PHLDB2: variants seen among roughly 807,000 people sequenced by gnomAD.
The protein encoded by PHLDB2 is pleckstrin homology like domain family B member 2.
PHLDB2 carries 71 observed loss-of-function variants against 123.6 expected under a neutral mutation model. That is an observed-to-expected ratio of 0.57 (90% CI 0.47 to 0.70). PHLDB2 has a LOEUF of 0.70. Ranked by LOEUF, PHLDB2 falls within the 30% of genes least tolerant of loss-of-function variation. The probability of loss-of-function intolerance (pLI) is 0.00; values close to 1 mark genes in which losing one functional copy is unlikely to be tolerated. For missense variants in PHLDB2, 1,446 were observed against 1,519.5 expected, an observed-to-expected ratio of 0.95 and a Z score of 0.80; for synonymous variants, 547 against 541.6, an observed-to-expected ratio of 1.01 and a Z score of -0.14.
At chr3:111,784,153 G>T (rs531176409) in intron 1 of PHLDB2, among the ~76,000 whole-genome samples, 11 of 152,194 alleles carry the variant, frequency 7.2e-5, no homozygotes, top group Non-Finnish European at 1.2e-4. Flanking sequence ...ATTCTAACAG[G>T]CAATAAATAT....
chr3:111,738,488 T>C (rs896334864), intron 1 of PHLDB2, among the ~76,000 whole-genome samples: 28 of 152,200 alleles, frequency 1.8e-4, no homozygotes, highest in African/African-American at 6.0e-4. Context: ...TCATCTACTC[T>C]TTCCCAGAAG....
chr3:111,890,297 G>A (rs1288454800), intron 2 of PHLDB2, among the ~76,000 whole-genome samples: 1 of 152,148 alleles, frequency 6.6e-6, no homozygotes, highest in Non-Finnish European at 1.5e-5. Context: ...GACAGACTCA[G>A]TAAAACAAAA....
At position 111,970,013 on chromosome 3, in the gene PHLDB2, CAG is replaced by C. The variant is rs2072060516; in HGVS notation, c.3535+106_3535+107del. 7 of 990,576 alleles carry C rather than the reference CAG, an allele frequency of 7.1e-6. No homozygotes were observed. The South Asian group carries it at 1.0e-4, about 15-fold the overall frequency. 61.4% of individuals were successfully genotyped at this position (990,576 alleles called of 1,614,324 possible). ...TGTAAATAGGTAGGTTGATACATAACAGAATTAATGGCAATATTAGATTTGTA... is the reference window on the plus strand; with the variant it reads ...TGTAAATAGGTAGGTTGATACATAACAATTAATGGCAATATTAGATTTGTA... On this transcript the variant is annotated intron_variant, in intron 16 of 17. Transcript: ENST00000431670.
chr3:111,915,085 C>T (rs1364275984), intron 3 of PHLDB2: 1 of 152,040 alleles, frequency 6.6e-6, no homozygotes, highest in Non-Finnish European at 1.5e-5. Flanking sequence ...ATGATATTCA[C>T]AAGGTAGATT....
intron 5 of PHLDB2, among the ~76,000 whole-genome samples, chr3:111,923,641 C>T (rs1300088799): frequency 6.6e-6 from 1 of 152,050 alleles, no homozygotes; most frequent in Non-Finnish European, 1.5e-5. Flanking sequence ...TGCCTTCCAC[C>T]CTCCACCCTC....
chr3:111,932,516 T>C (rs2069201539), intron 6 of PHLDB2, 119 bp downstream of exon 6: 4 of 1,026,502 alleles, frequency 3.9e-6, no homozygotes, highest in Non-Finnish European at 5.5e-6. Context: ...GTTCTAGTCA[T>C]TAGATACGTT....
intron 2 of PHLDB2, among the ~76,000 whole-genome samples, chr3:111,897,461 G>A (rs1252101039): frequency 6.6e-6 from 1 of 152,228 alleles, no homozygotes; most frequent in Non-Finnish European, 1.5e-5. Context: ...GCTGAAGTCA[G>A]TGAGATTAGT....
intron 1 of PHLDB2, among the ~76,000 whole-genome samples, chr3:111,773,323 C>T (rs1252010446): frequency 2.0e-5 from 3 of 152,132 alleles, no homozygotes; most frequent in Non-Finnish European, 4.4e-5. Context: ...CTTCAATTCA[C>T]ATTAAAGTAT....
chr3:111,873,919 T>G lies in PHLDB2; in HGVS notation c.-14-10145T>G, dbSNP rs564815346. Among the ~76,000 whole-genome samples, 7 of 152,328 alleles carry G rather than the reference T, an allele frequency of 4.6e-5. No individual in the cohort carries two copies. In the South Asian group the frequency reaches 1.0e-3, roughly 23 times the overall value. On this transcript the variant is annotated intron_variant, in intron 1 of 17. Coordinates refer to ENST00000431670, the MANE Select transcript of PHLDB2 (RefSeq NM_001134438.2). ...GGAGACAGAAAAAGATTTAGAGAAC[T>G]ATAAGCGAGAAATACACGATTATTA...
chr3:111,819,111 A>G (rs2108387561), intron 1 of PHLDB2, among the ~76,000 whole-genome samples: 1 of 152,234 alleles, frequency 6.6e-6, no homozygotes, highest in Non-Finnish European at 1.5e-5. Flanking sequence ...TTCAGAGAGA[A>G]TGTGTGTGCA....
At chr3:111,779,844 A>G (rs1404796987) in intron 1 of PHLDB2, 1 of 984,042 alleles carries the variant, frequency 1.0e-6, no homozygotes, top group Non-Finnish European at 1.2e-6. Context: ...GTCTCTGGCC[A>G]TCCTCTATAT....
At chr3:111,960,317 T>A (rs1317393881) in intron 12 of PHLDB2, 1 of 190,452 alleles carries the variant, frequency 5.3e-6, no homozygotes, top group East Asian at 1.9e-4. Flanking sequence ...TCTTGTGGTG[T>A]GCTTTTATGT....
At chr3:111,936,041 A>G (rs1353296552) in intron 6 of PHLDB2, among the ~76,000 whole-genome samples, 1 of 152,176 alleles carries the variant, frequency 6.6e-6, no homozygotes. Flanking sequence ...CCCCATTTAA[A>G]TTTGCTTCTG....
chr3:111,814,161 A>G (rs745417566), intron 1 of PHLDB2, among the ~76,000 whole-genome samples: 7 of 152,184 alleles, frequency 4.6e-5, no homozygotes, highest in Non-Finnish European at 8.8e-5. Flanking sequence ...CAAAGTACTG[A>G]TCTTGGGTGT....
chr3:111,787,743 C>T (rs1482775551), intron 1 of PHLDB2, among the ~76,000 whole-genome samples: 2 of 152,148 alleles, frequency 1.3e-5, no homozygotes, highest in South Asian at 2.1e-4. Context: ...TCCACAGCCA[C>T]GGCCAAGAAG....
intron 1 of PHLDB2, among the ~76,000 whole-genome samples, chr3:111,837,629 T>C (rs544434719): frequency 6.6e-6 from 1 of 152,328 alleles, no homozygotes; most frequent in South Asian, 2.1e-4. Flanking sequence ...ACTCCTTAGT[T>C]TTTTTATGGG....
At chr3:111,856,815 G>A (rs1205399813), upstream of PHLDB2, among the ~76,000 whole-genome samples, 3 of 152,190 alleles carry the variant, frequency 2.0e-5, no homozygotes, top group African/African-American at 7.2e-5. Flanking sequence ...AAAACTCTCT[G>A]CCTGCCTGCC....
At chr3:111,888,723 G>T (rs762462092) in intron 2 of PHLDB2, among the ~76,000 whole-genome samples, 3 of 151,966 alleles carry the variant, frequency 2.0e-5, no homozygotes, top group Non-Finnish European at 4.4e-5. Flanking sequence ...ACATTAACAG[G>T]GTGCTTGTCA....
At chr3:111,962,702 A>G (rs522573) in intron 13 of PHLDB2, among the ~76,000 whole-genome samples, 28,594 of 151,910 alleles carry the variant, frequency 0.19, 3,402 homozygotes, top group African/African-American at 0.33. Flanking sequence ...GGCCAAGGTG[A>G]GTGGATCACC....
Sources: gnomAD v4.1 joint callset for allele counts (sites outside exome capture counted in the v4.1 genomes callset) on GRCh38, gnomAD v4.1.1 for gene constraint, MANE v1.5 for transcripts, NCBI Gene and HGNC (gene_info 2026-07-23, HGNC 2026-07-21) for gene names.